LARP4B: variants seen among roughly 807,000 people sequenced by gnomAD.
LARP4B encodes La ribonucleoprotein 4B.
LARP4B carries 12 observed loss-of-function variants against 89.8 expected under a neutral mutation model. That is an observed-to-expected ratio of 0.13 (90% CI 0.09 to 0.22). The LOEUF (loss-of-function observed/expected upper bound fraction) is 0.22, where lower values mean the gene tolerates loss of function less well. Ranked by LOEUF, LARP4B falls within the 10% of genes least tolerant of loss-of-function variation. The probability of loss-of-function intolerance (pLI) is 1.00; values close to 1 mark genes in which losing one functional copy is unlikely to be tolerated. For missense variants in LARP4B, 757 were observed against 947.7 expected (o/e 0.80, Z 2.64); for synonymous variants, 367 against 363.3 (o/e 1.01, Z -0.12).
At chr10:946,208 T>TA in the LARP4B span, among the ~76,000 whole-genome samples, 1 of 152,242 alleles carries the variant, frequency 6.6e-6, no homozygotes, top group Non-Finnish European at 1.5e-5. Context: ...TTTTGGTTGA[T>TA]ACCACATCAC....
intron 1 of LARP4B, among the ~76,000 whole-genome samples, chr10:906,293 T>C (rs1035127935): frequency 2.0e-5 from 3 of 152,258 alleles, no homozygotes; most frequent in African/African-American, 7.2e-5. Context: ...TGATTTGTTT[T>C]TGAGATACTC....
intron 1 of LARP4B, among the ~76,000 whole-genome samples, chr10:905,698 A>G (rs79666907): frequency 2.5e-3 from 174 of 69,178 alleles, no homozygotes; most frequent in South Asian, 5.9e-3. Flanking sequence ...CTGAGGAGCA[A>G]GGGAGGAGCT....
chr10:835,488 C>T (rs780244981), intron 8 of LARP4B, among the ~76,000 whole-genome samples: 37 of 152,126 alleles, frequency 2.4e-4, no homozygotes, highest in Non-Finnish European at 8.8e-5. Context: ...AGGCAGATTC[C>T]GTTTTCTGAG....
chr10:927,135 T>C (rs1837164185), intron 1 of LARP4B, among the ~76,000 whole-genome samples: 1 of 152,024 alleles, frequency 6.6e-6, no homozygotes, highest in Non-Finnish European at 1.5e-5. Flanking sequence ...ATGGGGTTGA[T>C]GGGAAAGAAG....
intron 5 of LARP4B, among the ~76,000 whole-genome samples, chr10:850,404 G>A (rs1384070837): frequency 1.3e-5 from 2 of 152,182 alleles, no homozygotes; most frequent in Non-Finnish European, 2.9e-5. Context: ...AAAGTAAATT[G>A]AGAGCAAAGA....
chr10:873,528 T>G (rs1386776649), intron 3 of LARP4B: 1 of 460,550 alleles, frequency 2.2e-6, no homozygotes, highest in African/African-American at 2.1e-5. Context: ...TTATATTTCA[T>G]GGGATGGTGG....
chr10:929,157 T>C (rs527554905), intron 1 of LARP4B, among the ~76,000 whole-genome samples: 3 of 152,084 alleles, frequency 2.0e-5, no homozygotes, highest in Non-Finnish European at 4.4e-5. Flanking sequence ...GGAACTGCTT[T>C]CTCCAAATAT....
At chr10:948,695 G>A in the LARP4B span, among the ~76,000 whole-genome samples, 1 of 152,220 alleles carries the variant, frequency 6.6e-6, no homozygotes, top group Admixed American at 6.5e-5. Flanking sequence ...GCCCTGGTAA[G>A]GCCTCCATTG....
upstream of LARP4B, among the ~76,000 whole-genome samples, chr10:935,072 CCT>C (rs1270256890): frequency 2.6e-5 from 4 of 152,204 alleles, no homozygotes; most frequent in South Asian, 4.1e-4. Flanking sequence ...AGCCCAGCCC[CCT>C]GTGTTTCCTT....
chr10:968,365 T>TA, the LARP4B span, among the ~76,000 whole-genome samples: 3 of 152,202 alleles, frequency 2.0e-5, no homozygotes, highest in African/African-American at 4.8e-5. Context: ...TTCTTAGAGA[T>TA]AGTTTCCAAA....
chr10:831,537 A>T (rs1042708233), intron 8 of LARP4B, among the ~76,000 whole-genome samples: 5 of 152,204 alleles, frequency 3.3e-5, no homozygotes, highest in Non-Finnish European at 7.3e-5. Flanking sequence ...GGCCTTCCCC[A>T]CATCTTCAGC....
At chr10:903,034 T>C (rs1022314676) in intron 1 of LARP4B, among the ~76,000 whole-genome samples, 17 of 152,224 alleles carry the variant, frequency 1.1e-4, no homozygotes, top group African/African-American at 4.1e-4. Context: ...CTAACCTCCA[T>C]TTTTCTGTCC....
At chr10:930,360 G>A (rs1434121965) in intron 1 of LARP4B, among the ~76,000 whole-genome samples, 1 of 152,136 alleles carries the variant, frequency 6.6e-6, no homozygotes, top group Non-Finnish European at 1.5e-5. Flanking sequence ...AAACCTTCCT[G>A]TTTTCTCAGT....
chr10:925,778 C>A (rs978971725), intron 1 of LARP4B, among the ~76,000 whole-genome samples: 1 of 152,220 alleles, frequency 6.6e-6, no homozygotes, highest in Non-Finnish European at 1.5e-5. Flanking sequence ...AGGTGATCCA[C>A]CCGCCTCGGC....
At chr10:813,273 A>G in intron 17 of LARP4B, 60 bp from the exon 18 acceptor site, 1 of 1,472,970 alleles carries the variant, frequency 6.8e-7, no homozygotes, top group Middle Eastern at 1.8e-4. Flanking sequence ...ACAAGACAGG[A>G]AATCAAGTTC....
chr10:854,563 GA>G (rs1405072658), intron 5 of LARP4B, among the ~76,000 whole-genome samples: 1 of 151,856 alleles, frequency 6.6e-6, no homozygotes, highest in African/African-American at 2.4e-5. Flanking sequence ...ATTAAAATCT[GA>G]AAAATATCTT....
chr10:938,545 G>A, the LARP4B span, among the ~76,000 whole-genome samples: 67 of 152,306 alleles, frequency 4.4e-4, 1 homozygote, highest in South Asian at 8.5e-3. Context: ...GAGCCACCGC[G>A]CCCGGCCGAA....
Position 814,424 on chromosome 10 carries a change from C to T in LARP4B, c.1929+318G>A, listed in dbSNP as rs114048570. The T allele has an allele frequency of 1.1e-4, 45 of 409,904 alleles. No homozygotes were observed. The highest frequency in any genetic ancestry group is 7.0e-4 in the African/African-American group (34 of 48,350). The allele number at this position is 409,904 out of a possible 1,614,324, so 25.4% of individuals were successfully genotyped here. A position where few individuals can be genotyped will look rare whatever the true frequency, so the allele number is the denominator to read the frequency against. On this transcript the variant is annotated intron_variant, in intron 17 of 17. Transcript: ENST00000316157. The surrounding 1 kb of genome is among the most constrained non-coding windows in gnomAD (Gnocchi z 4.4). ...GCGCACGCACGCAAACATACACACA[C>T]GCGCGAAATGCTGAAATGATCCTAA...
In LARP4B at chr10:923,720, A is replaced by G. The variant is rs141373753; in HGVS notation, c.-40+7708T>C. ...AAGAGAATGTTCAACATGTTAACAG[A>G]TAACAATAACTGAAGCAATTTGTAC... is the stretch of plus-strand genomic sequence containing the variant. On this transcript the variant is annotated intron_variant, in intron 1 of 17. Coordinates refer to ENST00000316157, the MANE Select transcript of LARP4B (RefSeq NM_015155.3). Among the ~76,000 whole-genome samples, 1,501 of 152,346 alleles carry G rather than the reference A, an allele frequency of 9.9e-3. 21 individuals carry two copies. The highest frequency in any genetic ancestry group is 0.032 in the African/African-American group (1,349 of 41,576).
Sources: allele counts gnomAD v4.1 joint callset (sites outside exome capture counted in the v4.1 genomes callset), GRCh38; gene constraint gnomAD v4.1.1; non-coding constraint Gnocchi (gnomAD v3.1); transcripts MANE v1.5; gene names NCBI Gene and HGNC (gene_info 2026-07-23, HGNC 2026-07-21).